Variants in RPH3A observed in about 807,000 individuals in gnomAD.
RPH3A encodes rabphilin-3A.
RPH3A carries 48 observed loss-of-function variants against 102.2 expected under a neutral mutation model. The ratio of observed to expected loss-of-function variants is 0.47; its 90% CI spans 0.37 to 0.60. The LOEUF is 0.60. Among genes scored for constraint, RPH3A ranks in the 20% least tolerant of loss-of-function variants. The pLI is 0.00. For synonymous variants in RPH3A, 310 were observed against 324.3 expected, an observed-to-expected ratio of 0.96 and a Z score of 0.47; for missense variants, 781 against 910.1, an observed-to-expected ratio of 0.86 and a Z score of 1.83.
At position 112,805,636 on chromosome 12, in the gene RPH3A, A is replaced by G. The variant is rs113164598; in HGVS notation, c.-19+13373A>G. On this transcript the variant is annotated intron_variant, in intron 2 of 21. Transcript: ENST00000389385. ...TGATTGTTTTGCCTTCTGGAGCCCA[A>G]CTGAAGAAATAATATTCCTAAGACA... 7.5e-3 allele frequency among the ~76,000 whole-genome samples: 1,138 copies of G among 152,278 alleles called. 9 individuals carry two copies. The highest frequency in any genetic ancestry group is 0.014 in the Middle Eastern group (4 of 292).
chr12:112,679,829 G>A (rs1179657442), intron 1 of RPH3A, among the ~76,000 whole-genome samples: 1 of 152,216 alleles, frequency 6.6e-6, no homozygotes, highest in Non-Finnish European at 1.5e-5. Flanking sequence ...AGTGGGGGTG[G>A]AGAGGTGGGC....
chr12:112,676,576 T>A (rs536814462), intron 1 of RPH3A, among the ~76,000 whole-genome samples: 8 of 152,358 alleles, frequency 5.3e-5, no homozygotes, highest in African/African-American at 1.9e-4. Flanking sequence ...AGGCCTTCCT[T>A]TAAAATGCCA....
intron 5 of RPH3A, among the ~76,000 whole-genome samples, chr12:112,857,376 T>G (rs2042428555): frequency 1.3e-5 from 2 of 152,316 alleles, no homozygotes; most frequent in South Asian, 4.1e-4. Context: ...TCTTTGCAGC[T>G]GTGATAGTTA....
chr12:112,690,770 C>T (rs543817449), intron 1 of RPH3A, among the ~76,000 whole-genome samples: 1 of 152,024 alleles, frequency 6.6e-6, no homozygotes, highest in Non-Finnish European at 1.5e-5. Context: ...TTCCACTTGC[C>T]GTATGTATAC....
At chr12:112,889,932 G>T (rs1295653382) in intron 17 of RPH3A, 92 bp from the exon 18 acceptor site, 8 of 1,145,216 alleles carry the variant, frequency 7.0e-6, no homozygotes, top group African/African-American at 1.5e-5. Flanking sequence ...GCTCTGGATG[G>T]TAATGGAAGT....
chr12:112,763,653 G>T (rs1236422596), intron 1 of RPH3A, among the ~76,000 whole-genome samples: 2 of 152,332 alleles, frequency 1.3e-5, no homozygotes, highest in East Asian at 1.9e-4. Context: ...GCTTCAGAGA[G>T]AATAGATTGT....
chr12:112,861,074 A>G (rs925015450), intron 5 of RPH3A, among the ~76,000 whole-genome samples: 2 of 152,234 alleles, frequency 1.3e-5, no homozygotes, highest in African/African-American at 4.8e-5. Flanking sequence ...CAATGCAGAC[A>G]TGCTCTGTAT....
chr12:112,741,425 A>C (rs1033649949), intron 1 of RPH3A, among the ~76,000 whole-genome samples: 2 of 152,124 alleles, frequency 1.3e-5, no homozygotes, highest in Admixed American at 6.5e-5. Context: ...TTTTGTATAG[A>C]GGGTAAAAAC....
At chr12:112,725,766 TTTGTTGTTGTTGTTGTTGTTGTTG>T (rs374402903) in intron 1 of RPH3A, among the ~76,000 whole-genome samples, 8 of 148,488 alleles carry the variant, frequency 5.4e-5, no homozygotes, top group African/African-American at 2.0e-4. Flanking sequence ...GAGTGTAGTT[TTTGTTGTTGTTGTTGTTGTTGTTG>T]TTGTTGTTGT....
At chr12:112,819,106 G>A (rs940227414) in intron 2 of RPH3A, among the ~76,000 whole-genome samples, 2 of 151,898 alleles carry the variant, frequency 1.3e-5, no homozygotes, top group African/African-American at 2.4e-5. Flanking sequence ...ATGTGTGTGT[G>A]TGTATATATA....
chr12:112,695,109 T>C (rs1444236897), intron 1 of RPH3A: 1 of 170,458 alleles, frequency 5.9e-6, no homozygotes, highest in Admixed American at 6.5e-5. Context: ...CCAAATATTG[T>C]ATGGGATATT....
rs781730496 is a variant in RPH3A at position 112,866,738 on chromosome 12, G to A, written c.361-19G>A. The A allele has an allele frequency of 1.9e-6, 3 of 1,601,860 alleles. No homozygotes were observed. The highest frequency in any genetic ancestry group is 2.2e-5 in the South Asian group (2 of 89,598). On this transcript the variant is annotated intron_variant, in intron 6 of 21. Transcript: ENST00000389385. ...TGAGCATGGCTCATCTGAGTGTGTT[G>A]GCTGTGTTTCATCCACAGAACGTCT...
intron 1 of RPH3A, among the ~76,000 whole-genome samples, chr12:112,656,951 T>A (rs547271780): frequency 6.6e-6 from 1 of 152,206 alleles, no homozygotes; most frequent in East Asian, 1.9e-4. Flanking sequence ...ATTTATTTTT[T>A]GGGGGTAGAT....
chr12:112,755,152 G>A lies in RPH3A; in HGVS notation c.-139-36991G>A, dbSNP rs1012952690. Among the ~76,000 whole-genome samples the A allele has an allele frequency of 8.6e-5, 13 of 151,986 alleles. No homozygotes were observed. In the East Asian group the frequency reaches 1.2e-3, roughly 14 times the overall value. ...TCACCTGATTTTTAAAATATCAAAA[G>A]GTATACAGTGGAATGTCTTCCTCCT... On this transcript the variant is annotated intron_variant, in intron 1 of 21. Transcript: ENST00000543106.
chr12:112,608,992 C>A (rs2039618493), intron 1 of RPH3A, among the ~76,000 whole-genome samples: 1 of 152,164 alleles, frequency 6.6e-6, no homozygotes, highest in Non-Finnish European at 1.5e-5. Context: ...CTTTTTTAGT[C>A]ATACTAGCCA....
chr12:112,804,593 A>G lies in RPH3A; in HGVS notation c.-19+12330A>G, dbSNP rs563112384. Among the ~76,000 whole-genome samples, 226 of 152,326 alleles carry G rather than the reference A, an allele frequency of 1.5e-3. 1 individual carries two copies. The highest frequency in any genetic ancestry group is 5.2e-3 in the African/African-American group (217 of 41,560). On this transcript the variant is annotated intron_variant, in intron 2 of 21. Transcript: ENST00000389385. ...ACAGCTGGCTGGCTGGTGATAGAGC[A>G]CAACAGTTAGGACTTCAGCACAGAA...
rs2041917391 is a variant in RPH3A at position 112,828,448 on chromosome 12, T to G, written c.71+59T>G. The G allele has an allele frequency of 3.2e-6, 4 of 1,265,178 alleles. No individual in the cohort carries two copies. In the Admixed American group the frequency reaches 8.7e-5, roughly 28 times the overall value. The allele number at this position is 1,265,178 out of a possible 1,614,324, so 78.4% of individuals were successfully genotyped here. A position where few individuals can be genotyped will look rare whatever the true frequency, so the allele number is the denominator to read the frequency against. On this transcript the variant is annotated intron_variant, in intron 3 of 21. Transcript: ENST00000389385. ...TTTGAGTCGATGAGGTTTTGACAAT[T>G]CTACACTTGAAAAAAAGAAGGAATA... is the stretch of plus-strand genomic sequence containing the variant.
intron 1 of RPH3A, among the ~76,000 whole-genome samples, chr12:112,582,987 A>G (rs2039410874): frequency 6.6e-6 from 1 of 152,128 alleles, no homozygotes; most frequent in Admixed American, 6.6e-5. Flanking sequence ...AATGCCCCAG[A>G]AACTTGCTGG....
chr12:112,722,599 G>C (rs547268383), intron 1 of RPH3A, among the ~76,000 whole-genome samples: 104 of 152,336 alleles, frequency 6.8e-4, no homozygotes, highest in African/African-American at 2.4e-3. Context: ...AATGTAAGTA[G>C]AAGTATTGTT....
Sources: gnomAD v4.1 joint callset for allele counts (sites outside exome capture counted in the v4.1 genomes callset) on GRCh38, gnomAD v4.1.1 for gene constraint, MANE v1.5 for transcripts, NCBI Gene and HGNC (gene_info 2026-07-23, HGNC 2026-07-21) for gene names.